LRRC37A: variants seen among roughly 807,000 people sequenced by gnomAD.
The protein encoded by LRRC37A is leucine rich repeat containing 37A.
LRRC37A carries 3 observed loss-of-function variants against 35.4 expected under a neutral mutation model. The ratio of observed to expected loss-of-function variants is 0.08; its 90% CI spans 0.04 to 0.22. The LOEUF (loss-of-function observed/expected upper bound fraction) is 0.22. LRRC37A is among the 10% of genes least tolerant of loss of function. The pLI, the probability that LRRC37A is intolerant of heterozygous loss-of-function variation, is 1.00. For synonymous variants in LRRC37A, 23 were observed against 215.0 expected (o/e 0.11, Z 7.81); for missense variants, 67 against 565.3 (o/e 0.12, Z 8.94).
At chr17:46,265,442 T>A in the LRRC37A span, among the ~76,000 whole-genome samples, 5 of 148,722 alleles carry the variant, frequency 3.4e-5, no homozygotes, top group African/African-American at 1.2e-4. Context: ...CCTCTTCCTC[T>A]CCTCCTCCTC....
At chr17:46,262,577 G>C in the LRRC37A span, among the ~76,000 whole-genome samples, 3 of 152,164 alleles carry the variant, frequency 2.0e-5, no homozygotes, top group South Asian at 4.1e-4. Flanking sequence ...CCTGTTGTTT[G>C]TTCATTTCAG....
chr17:46,283,221 T>A, the LRRC37A span, among the ~76,000 whole-genome samples: 1 of 152,184 alleles, frequency 6.6e-6, no homozygotes, highest in Non-Finnish European at 1.5e-5. Context: ...CCACCAGCCT[T>A]GCTAAAAGTA....
the LRRC37A span, among the ~76,000 whole-genome samples, chr17:46,277,256 C>G: frequency 6.6e-6 from 1 of 152,220 alleles, no homozygotes; most frequent in Non-Finnish European, 1.5e-5. Context: ...ACTATGCGGG[C>G]CCAGCCTAGG....
intron 5 of LRRC37A, among the ~76,000 whole-genome samples, chr17:46,317,178 G>C (rs2051198457): frequency 3.5e-5 from 3 of 86,146 alleles, no homozygotes; most frequent in Admixed American, 1.2e-4. Flanking sequence ...TCACATCCCA[G>C]ACGGGCATGC....
chr17:46,248,739 G>C, the LRRC37A span, among the ~76,000 whole-genome samples: 22,099 of 151,712 alleles, frequency 0.15, 2,212 homozygotes, highest in Middle Eastern at 0.22. Context: ...AGGCTGGTTT[G>C]GAAGTCCTGA....
chr17:46,283,461 G>A, the LRRC37A span, among the ~76,000 whole-genome samples: 3 of 152,340 alleles, frequency 2.0e-5, no homozygotes, highest in South Asian at 6.2e-4. Context: ...ATTCCCAGTT[G>A]AGTCACTACA....
At chr17:46,259,094 G>A in the LRRC37A span, among the ~76,000 whole-genome samples, 1 of 123,464 alleles carries the variant, frequency 8.1e-6, no homozygotes, top group Admixed American at 9.8e-5. Context: ...AGCATAGAAA[G>A]ACCCAAAACT....
chr17:46,274,180 C>T, the LRRC37A span, among the ~76,000 whole-genome samples: 1 of 152,244 alleles, frequency 6.6e-6, no homozygotes, highest in Non-Finnish European at 1.5e-5. Flanking sequence ...CATTCAAAGA[C>T]ACCTCTGTCT....
the LRRC37A span, among the ~76,000 whole-genome samples, chr17:46,263,721 G>A: frequency 0.11 from 15,357 of 143,126 alleles, 1 homozygote; most frequent in Middle Eastern, 0.18. Flanking sequence ...GGTCGTGGTG[G>A]CACATGCCTG....
the LRRC37A span, among the ~76,000 whole-genome samples, chr17:46,260,980 G>T: frequency 1.3e-5 from 2 of 152,170 alleles, no homozygotes; most frequent in Non-Finnish European, 2.9e-5. Context: ...AACATCGTAC[G>T]TTCTCACTCA....
At chr17:46,265,925 C>G in the LRRC37A span, among the ~76,000 whole-genome samples, 22,059 of 152,112 alleles carry the variant, frequency 0.15, 2,136 homozygotes, top group Non-Finnish European at 0.22. Flanking sequence ...GGTGAAACCC[C>G]GTCTCTGCTA....
At chr17:46,248,713 T>A in the LRRC37A span, among the ~76,000 whole-genome samples, 1 of 151,906 alleles carries the variant, frequency 6.6e-6, no homozygotes, top group Non-Finnish European at 1.5e-5. Flanking sequence ...AGAGACGAGG[T>A]TTCACCATGT....
intron 1 of LRRC37A, among the ~76,000 whole-genome samples, chr17:46,298,761 A>G (rs1440767984): frequency 2.0e-5 from 2 of 98,254 alleles, no homozygotes; most frequent in African/African-American, 6.9e-5. Context: ...GGAGGGAAGA[A>G]AGAGAATAGG....
upstream of LRRC37A, among the ~76,000 whole-genome samples, chr17:46,288,617 A>G (rs2049982577): frequency 6.6e-6 from 1 of 152,126 alleles, no homozygotes; most frequent in African/African-American, 2.4e-5. Flanking sequence ...ATTTTTTAAA[A>G]AAAGTTTTAA....
the LRRC37A span, among the ~76,000 whole-genome samples, chr17:46,248,802 G>A: frequency 2.0e-4 from 31 of 152,116 alleles, no homozygotes; most frequent in East Asian, 3.5e-3. Context: ...TTACACGTGT[G>A]AGCCACCTCA....
chr17:46,266,780 A>C, the LRRC37A span, among the ~76,000 whole-genome samples: 1 of 151,950 alleles, frequency 6.6e-6, no homozygotes, highest in Non-Finnish European at 1.5e-5. Context: ...GCCGGCCGAC[A>C]ACCGGGCCAC....
the LRRC37A span, among the ~76,000 whole-genome samples, chr17:46,283,392 G>A: frequency 6.6e-6 from 1 of 152,160 alleles, no homozygotes; most frequent in South Asian, 2.1e-4. Context: ...CCATCTTATG[G>A]GCCTATAATG....
chr17:46,248,477 A>G, the LRRC37A span, among the ~76,000 whole-genome samples: 1 of 152,036 alleles, frequency 6.6e-6, no homozygotes, highest in Non-Finnish European at 1.5e-5. Context: ...TTATAAATGA[A>G]ATCATATAGC....
At chr17:46,288,813 C>T (rs1248350380), upstream of LRRC37A, among the ~76,000 whole-genome samples, 1 of 151,858 alleles carries the variant, frequency 6.6e-6, no homozygotes, top group Admixed American at 6.6e-5. Context: ...AAGTGATCCT[C>T]CCACCTCAGC....
Sources: gnomAD v4.1 joint callset for allele counts (sites outside exome capture counted in the v4.1 genomes callset) on GRCh38, gnomAD v4.1.1 for gene constraint, MANE v1.5 for transcripts, NCBI Gene and HGNC (gene_info 2026-07-23, HGNC 2026-07-21) for gene names.